Variants in ZFYVE28 observed in about 807,000 individuals in gnomAD.
The protein encoded by ZFYVE28 is lateral signaling target protein 2 homolog.
ZFYVE28 carries 40 observed loss-of-function variants against 82.1 expected under a neutral mutation model. That is an observed-to-expected ratio of 0.49 (90% confidence interval 0.38 to 0.63). The LOEUF is 0.63. ZFYVE28 is among the 30% of genes least tolerant of loss of function. ZFYVE28 has a pLI of 0.00. For synonymous variants in ZFYVE28, 612 were observed against 546.1 expected, an observed-to-expected ratio of 1.12 and a Z score of -1.68; for missense variants, 1,321 against 1,242.1, an observed-to-expected ratio of 1.06 and a Z score of -0.96.
intron 6 of ZFYVE28, among the ~76,000 whole-genome samples, chr4:2,324,119 G>T (rs1287543803): frequency 3.9e-5 from 6 of 152,204 alleles, no homozygotes; most frequent in Non-Finnish European, 8.8e-5. Flanking sequence ...TTAAGGAATT[G>T]TTTCATGCAA....
intron 8 of ZFYVE28, among the ~76,000 whole-genome samples, chr4:2,278,929 T>TCC (rs35053913): frequency 3.5e-5 from 5 of 144,040 alleles, no homozygotes; most frequent in South Asian, 2.3e-4. Context: ...ATTAGAATGT[T>TCC]CCCCCCCCCC....
chr4:2,327,125 C>T (rs1427825976), intron 6 of ZFYVE28, among the ~76,000 whole-genome samples: 1 of 151,488 alleles, frequency 6.6e-6, no homozygotes, highest in East Asian at 1.9e-4. Flanking sequence ...TGGCTCATGC[C>T]TGTAGTCCCA....
At chr4:2,377,558 C>T (rs1728290808) in intron 1 of ZFYVE28, among the ~76,000 whole-genome samples, 1 of 152,134 alleles carries the variant, frequency 6.6e-6, no homozygotes, top group Non-Finnish European at 1.5e-5. Context: ...TGCCTTCTGC[C>T]CCTTCACTAG....
Position 2,374,862 on chromosome 4 carries a change from A to C in ZFYVE28, c.40-20789T>G, listed in dbSNP as rs1485857010. Reference sequence around the variant, plus strand: ...AGGACATATCTTTGTACCCAGCCCCACATGCCACATTCGGCTCCTCCTCGG... The same window carrying C: ...AGGACATATCTTTGTACCCAGCCCCCCATGCCACATTCGGCTCCTCCTCGG... On this transcript the variant is annotated intron_variant, in intron 1 of 12. Transcript: ENST00000290974. 2.0e-5 allele frequency among the ~76,000 whole-genome samples: 3 copies of C among 152,138 alleles called. No individual in the cohort carries two copies. In the East Asian group the frequency reaches 5.8e-4, roughly 29 times the overall value.
chr4:2,296,177 T>C (rs1368699306), intron 8 of ZFYVE28, among the ~76,000 whole-genome samples: 2 of 152,156 alleles, frequency 1.3e-5, no homozygotes. Flanking sequence ...AGGAGGCCCA[T>C]CTGCAAGAAG....
At chr4:2,392,376 A>C (rs2108925910) in intron 1 of ZFYVE28, among the ~76,000 whole-genome samples, 1 of 152,352 alleles carries the variant, frequency 6.6e-6, no homozygotes, top group South Asian at 2.1e-4. Context: ...CCAATGCGTA[A>C]GTACATCCTT....
chr4:2,405,163 C>T (rs1035577843), intron 1 of ZFYVE28, among the ~76,000 whole-genome samples: 6 of 152,222 alleles, frequency 3.9e-5, no homozygotes, highest in Non-Finnish European at 8.8e-5. Flanking sequence ...CCCAGATACC[C>T]CCAGAGAGTG....
chr4:2,337,487 C>T lies in ZFYVE28; in HGVS notation c.531G>A (p.Ser177=), dbSNP rs151311134. 42 of 1,605,926 alleles carry T rather than the reference C, an allele frequency of 2.6e-5. No homozygotes were observed. Among genetic ancestry groups the T allele is most frequent in the African/African-American group, 5.4e-5 (4 of 74,694 alleles). The stretch of plus-strand genomic sequence containing the variant: ...TGGGGGACTTCACAGGCACCATGGC[C>T]GAGACGTAGCTGCAAACACATGGAG... ...LFAEFELSYV[S]AMVPVKSPRE... is the part of the protein sequence containing the mutation. The change falls in exon 5 of 13, where the codon TCG becomes TCA. Residue 177 remains serine (S), a synonymous_variant. Transcript: ENST00000290974.
intron 6 of ZFYVE28, among the ~76,000 whole-genome samples, chr4:2,334,970 G>T (rs995206955): frequency 1.3e-5 from 2 of 149,700 alleles, no homozygotes; most frequent in African/African-American, 2.4e-5. Context: ...TGGAGTCAGG[G>T]TGTGGATGAG....
chr4:2,405,287 C>T (rs1026174847), intron 1 of ZFYVE28, among the ~76,000 whole-genome samples: 2 of 152,212 alleles, frequency 1.3e-5, no homozygotes, highest in Admixed American at 6.5e-5. Flanking sequence ...CCTGCTTTTC[C>T]ATTCTCTCCC....
In ZFYVE28 at chr4:2,271,796, G is replaced by A. The variant is rs1477418462; in HGVS notation, c.2324-17C>T. 1 of 1,610,914 alleles carries A rather than the reference G, an allele frequency of 6.2e-7. No individual in the cohort carries two copies. On this transcript the variant is annotated splice_polypyrimidine_tract_variant and intron_variant, in intron 10 of 12. Coordinates refer to ENST00000290974, the MANE Select transcript of ZFYVE28 (RefSeq NM_020972.3). ...TCTGGGTGACTAGTGGAGAAGGGGG[G>A]CCGTCGGGGTATGGTGAGGGAGGCG...
intron 1 of ZFYVE28, among the ~76,000 whole-genome samples, chr4:2,368,672 T>C (rs892717304): frequency 2.6e-5 from 4 of 152,258 alleles, no homozygotes; most frequent in Non-Finnish European, 5.9e-5. Flanking sequence ...GTGCTTCCTG[T>C]GTGCCACTGT....
chr4:2,297,748 C>T (rs932574971), intron 8 of ZFYVE28, among the ~76,000 whole-genome samples: 38 of 151,640 alleles, frequency 2.5e-4, no homozygotes, highest in Middle Eastern at 3.4e-3. Flanking sequence ...CGAGCAGTGA[C>T]AGTGGGATGA....
chr4:2,283,544 A>G (rs1047506026), intron 8 of ZFYVE28, among the ~76,000 whole-genome samples: 1 of 150,774 alleles, frequency 6.6e-6, no homozygotes, highest in African/African-American at 2.5e-5. Context: ...CCATCCATCC[A>G]TCCATCCATC....
At position 2,366,485 on chromosome 4, in the gene ZFYVE28, G is replaced by A. The variant is rs187026731; in HGVS notation, c.40-12412C>T. ...TCTCACCAAGCAGCACCCGTCTCCCGGCCAAGTTGCTCTCACTTGCAGCAG... is the reference window on the plus strand; with the variant it reads ...TCTCACCAAGCAGCACCCGTCTCCCAGCCAAGTTGCTCTCACTTGCAGCAG... On this transcript the variant is annotated intron_variant, in intron 1 of 12. Transcript: ENST00000290974. Among the ~76,000 whole-genome samples, 140 of 152,264 alleles carry A rather than the reference G, an allele frequency of 9.2e-4. 3 individuals carry two copies. The Middle Eastern group carries it at 0.027, about 30-fold the overall frequency.
intron 1 of ZFYVE28, among the ~76,000 whole-genome samples, chr4:2,365,652 G>A (rs964726420): frequency 4.6e-5 from 7 of 152,282 alleles, no homozygotes; most frequent in African/African-American, 1.7e-4. Context: ...CCCCACTCAT[G>A]CTGGAAGACG....
At chr4:2,326,554 AT>A (rs111812874) in intron 6 of ZFYVE28, among the ~76,000 whole-genome samples, 4,613 of 152,116 alleles carry the variant, frequency 0.03, 208 homozygotes, top group African/African-American at 0.1. Flanking sequence ...GAATTATAGG[AT>A]TTTTTTCTCT....
intron 1 of ZFYVE28, among the ~76,000 whole-genome samples, chr4:2,369,839 T>TTTTATTTTATTTTATTTTATTTA (rs561534155): frequency 3.2e-4 from 45 of 139,680 alleles, no homozygotes; most frequent in African/African-American, 1.1e-3. Flanking sequence ...AGGGATTTTT[T>TTTTATTTTATTTTATTTTATTTA]TTTTTCTTTT....
rs751593287 is a variant in ZFYVE28 at position 2,304,918 on chromosome 4, C to G, written c.1422G>C (p.Ala474=). Residue 474 remains alanine (A), a synonymous_variant, in exon 8 of 13, where the codon GCG becomes GCC. Coordinates refer to ENST00000290974, the MANE Select transcript of ZFYVE28 (RefSeq NM_020972.3). ...CCAGGCAGCTGCAGGAGCTGGTGCC[C>G]GCGAGGCTGGCCCCATCTGTGCCCT... ...EAEGTDGASL[A]GTSSCSCLDS... is the part of the protein sequence containing the mutation. 6.2e-7 allele frequency: 1 copy of G among 1,612,714 alleles called. No individual in the cohort carries two copies. Among genetic ancestry groups the G allele is most frequent in the South Asian group, 1.1e-5 (1 of 91,084 alleles).
Sources: allele counts gnomAD v4.1 joint callset (sites outside exome capture counted in the v4.1 genomes callset), GRCh38; gene constraint gnomAD v4.1.1; transcripts MANE v1.5; gene names NCBI Gene and HGNC (gene_info 2026-07-23, HGNC 2026-07-21).